Variants in SPIDR observed in about 807,000 individuals in gnomAD.
SPIDR encodes DNA repair-scaffolding protein.
In SPIDR, 93 loss-of-function variants were observed where a neutral mutation model predicts 104.6. The observed-to-expected ratio is 0.89, with a 90% CI of 0.75 to 1.06. SPIDR has a LOEUF of 1.06. SPIDR is among the 50% of genes least tolerant of loss of function. SPIDR has a pLI of 0.00. For missense variants in SPIDR, 1,154 were observed against 1,111.2 expected, an observed-to-expected ratio of 1.04 and a Z score of -0.55; for synonymous variants, 431 against 416.9, an observed-to-expected ratio of 1.03 and a Z score of -0.41.
intron 5 of SPIDR, among the ~76,000 whole-genome samples, chr8:47,295,554 T>C (rs1468463335): frequency 2.6e-5 from 4 of 152,210 alleles, no homozygotes; most frequent in African/African-American, 9.6e-5. Flanking sequence ...GATCATGCTG[T>C]ATTTGTCTTT....
At chr8:47,379,436 G>C (rs1052512740) in intron 5 of SPIDR, among the ~76,000 whole-genome samples, 1 of 152,068 alleles carries the variant, frequency 6.6e-6, no homozygotes, top group Admixed American at 6.5e-5. Flanking sequence ...CCAGCTACTC[G>C]GGAGGCTGTG....
chr8:47,328,892 A>C (rs191495769), intron 5 of SPIDR, among the ~76,000 whole-genome samples: 1 of 151,382 alleles, frequency 6.6e-6, no homozygotes, highest in Non-Finnish European at 1.5e-5. Flanking sequence ...TAGTTCTTCT[A>C]ATGTCATTTT....
Position 47,719,250 on chromosome 8 carries a change from T to G in SPIDR, c.2341+5609T>G, listed in dbSNP as rs2083027749. Among the ~76,000 whole-genome samples, 3 of 152,192 alleles carry G rather than the reference T, an allele frequency of 2.0e-5. No individual in the cohort carries two copies. In the South Asian group the frequency reaches 6.2e-4, roughly 32 times the overall value. Reference sequence around the variant, plus strand: ...CAGGCTGGGCGTGGTGGTTCATGCCTGTAATCCCAGCACTTGGGGAGGCCG... The same window carrying G: ...CAGGCTGGGCGTGGTGGTTCATGCCGGTAATCCCAGCACTTGGGGAGGCCG... On this transcript the variant is annotated intron_variant, in intron 16 of 19. Transcript: ENST00000297423.
intron 11 of SPIDR, among the ~76,000 whole-genome samples, chr8:47,685,493 A>ATTTTTTTTTTT (rs1563538977): frequency 8.8e-6 from 1 of 114,262 alleles, no homozygotes; most frequent in African/African-American, 2.7e-5. Context: ...TTATTTATTT[A>ATTTTTTTTTTT]TTTATTTATT....
intron 5 of SPIDR, among the ~76,000 whole-genome samples, chr8:47,363,199 C>CTTTTTTTTT (rs34705214): frequency 7.5e-5 from 6 of 79,694 alleles, no homozygotes; most frequent in Non-Finnish European, 1.1e-4. Context: ...CTTTATCTCT[C>CTTTTTTTTT]TTTTTTTTTT....
chr8:47,692,696 C>T lies in SPIDR; in HGVS notation c.1686-7707C>T, dbSNP rs1320979273. Reference sequence around the variant, plus strand: ...CTCCTGACCTCCGGTGACCGACCTGCCTCATCCTCCCAAAGTGCTGGGATT... The same window carrying T: ...CTCCTGACCTCCGGTGACCGACCTGTCTCATCCTCCCAAAGTGCTGGGATT... On this transcript the variant is annotated intron_variant, in intron 11 of 19. Transcript: ENST00000297423. Among the ~76,000 whole-genome samples the T allele has an allele frequency of 5.9e-5, 9 of 152,076 alleles. No homozygotes were observed. In the East Asian group the frequency reaches 7.7e-4, roughly 13 times the overall value.
At chr8:47,424,424 C>T (rs1172771439) in intron 7 of SPIDR, among the ~76,000 whole-genome samples, 1 of 152,178 alleles carries the variant, frequency 6.6e-6, no homozygotes, top group Non-Finnish European at 1.5e-5. Flanking sequence ...GCTACCTCAA[C>T]CTCCAGAGTG....
intron 8 of SPIDR, among the ~76,000 whole-genome samples, chr8:47,553,222 A>G (rs1377645248): frequency 6.6e-6 from 1 of 152,080 alleles, no homozygotes; most frequent in Non-Finnish European, 1.5e-5. Flanking sequence ...ACCTTGGTGA[A>G]TCTGACAATT....
chr8:47,296,359 T>C (rs1270751350), intron 5 of SPIDR, among the ~76,000 whole-genome samples: 2 of 152,198 alleles, frequency 1.3e-5, no homozygotes, highest in Non-Finnish European at 2.9e-5. Flanking sequence ...TTATGGAGCA[T>C]TTTCCCTATG....
intron 8 of SPIDR, among the ~76,000 whole-genome samples, chr8:47,548,516 C>A (rs1035813572): frequency 6.6e-6 from 1 of 152,084 alleles, no homozygotes; most frequent in Non-Finnish European, 1.5e-5. Context: ...GGTGTGGTGA[C>A]GGGTGCCTCT....
At chr8:47,419,585 AT>A (rs1378621185) in intron 7 of SPIDR, among the ~76,000 whole-genome samples, 12 of 152,094 alleles carry the variant, frequency 7.9e-5, no homozygotes, top group East Asian at 1.9e-4. Flanking sequence ...GGATTCATTG[AT>A]TTTTTTGAAG....
At chr8:47,345,470 G>A (rs1228349143) in intron 5 of SPIDR, among the ~76,000 whole-genome samples, 1 of 151,960 alleles carries the variant, frequency 6.6e-6, no homozygotes, top group African/African-American at 2.4e-5. Context: ...CCATATGAAC[G>A]CTAAAACACT....
intron 5 of SPIDR, among the ~76,000 whole-genome samples, chr8:47,302,886 G>T (rs1237393951): frequency 6.6e-5 from 10 of 152,288 alleles, no homozygotes; most frequent in African/African-American, 2.4e-4. Context: ...TAGGCTACTC[G>T]AGGGTCAGGG....
At chr8:47,332,125 A>G (rs1405518009) in intron 5 of SPIDR, among the ~76,000 whole-genome samples, 2 of 73,244 alleles carry the variant, frequency 2.7e-5, no homozygotes, top group African/African-American at 1.1e-4. Flanking sequence ...CATTAGGTAT[A>G]TCTCCCAATG....
chr8:47,298,666 A>G (rs1392423644), intron 5 of SPIDR, among the ~76,000 whole-genome samples: 2 of 152,212 alleles, frequency 1.3e-5, no homozygotes, highest in Admixed American at 6.5e-5. Context: ...TCAGCTTTCT[A>G]CATATGGCTA....
chr8:47,709,382 C>T (rs2081526562), intron 14 of SPIDR, among the ~76,000 whole-genome samples: 2 of 152,250 alleles, frequency 1.3e-5, no homozygotes, highest in Non-Finnish European at 2.9e-5. Context: ...TCAGGTGATT[C>T]ACCCGCCTCT....
At chr8:47,376,771 CTT>C (rs2058707940) in intron 5 of SPIDR, among the ~76,000 whole-genome samples, 1 of 151,844 alleles carries the variant, frequency 6.6e-6, no homozygotes, top group African/African-American at 2.4e-5. Context: ...GGAAAAACAT[CTT>C]GAGATTTTCC....
chr8:47,339,222 A>G (rs1244753356), intron 5 of SPIDR, among the ~76,000 whole-genome samples: 1 of 152,290 alleles, frequency 6.6e-6, no homozygotes, highest in Admixed American at 6.5e-5. Context: ...TTTTAGAAAA[A>G]ACAAACTGAA....
At chr8:47,629,025 G>GTAAA (rs1247582899) in intron 10 of SPIDR, among the ~76,000 whole-genome samples, 1 of 152,174 alleles carries the variant, frequency 6.6e-6, no homozygotes, top group African/African-American at 2.4e-5. Context: ...AAAATATAAG[G>GTAAA]ACTGAGATTC....
Sources: allele counts gnomAD v4.1 joint callset (sites outside exome capture counted in the v4.1 genomes callset), GRCh38; gene constraint gnomAD v4.1.1; transcripts MANE v1.5; gene names NCBI Gene and HGNC (gene_info 2026-07-23, HGNC 2026-07-21).